Variants in ADGRF4 observed in about 807,000 individuals in gnomAD.
ADGRF4 encodes G-protein coupled receptor PGR18.
Under a neutral mutation model 58.5 loss-of-function variants are expected in ADGRF4, and 63 were observed. That is an observed-to-expected ratio of 1.08 (90% CI 0.88 to 1.33). The LOEUF (loss-of-function observed/expected upper bound fraction) is 1.33, where lower values mean the gene tolerates loss of function less well. Ranked by LOEUF, ADGRF4 falls within the 40% of genes most tolerant of loss-of-function variation. The pLI is 0.00. For synonymous variants in ADGRF4, 313 were observed against 295.4 expected (o/e 1.06, Z -0.61); for missense variants, 931 against 843.9 (o/e 1.10, Z -1.28).
At chr6:47,705,082 C>T (rs1230147523) in intron 1 of ADGRF4, among the ~76,000 whole-genome samples, 1 of 152,116 alleles carries the variant, frequency 6.6e-6, no homozygotes, top group Non-Finnish European at 1.5e-5. Flanking sequence ...ACGCCTGCCA[C>T]CACACTTGGC....
intron 3 of ADGRF4, among the ~76,000 whole-genome samples, chr6:47,708,670 G>A (rs1771784749): frequency 6.6e-6 from 1 of 152,204 alleles, no homozygotes; most frequent in Non-Finnish European, 1.5e-5. Flanking sequence ...CTCTATTAAA[G>A]CACTGTAAGA....
Position 47,707,273 on chromosome 6 carries a change from A to G in ADGRF4, c.28A>G (p.Ile10Val). The change falls in exon 2 of 10, where the codon ATT becomes GTT. Residue 10 changes from isoleucine (I) to valine (V), a missense_variant. Ile to Val is a conservative substitution (Grantham distance 29, BLOSUM62 3). Coordinates refer to ENST00000283303, the MANE Select transcript of ADGRF4 (RefSeq NM_153838.5). ...GAAAATGAAGTCCCAGGCAACCATGATTTGCTGCTTAGTGTTCTTTCTGTC... is the reference window on the plus strand; with the variant it reads ...GAAAATGAAGTCCCAGGCAACCATGGTTTGCTGCTTAGTGTTCTTTCTGTC... MKMKSQATM[I>V]CCLVFFLSTE... 1 of 1,613,242 alleles carries G rather than the reference A, an allele frequency of 6.2e-7. No individual in the cohort carries two copies. The highest frequency in any genetic ancestry group is 8.5e-7 in the Non-Finnish European group (1 of 1,179,230).
intron 4 of ADGRF4, among the ~76,000 whole-genome samples, 198 bp downstream of exon 4, chr6:47,711,084 T>C (rs1771853655): frequency 6.7e-6 from 1 of 148,728 alleles, no homozygotes; most frequent in Non-Finnish European, 1.5e-5. Context: ...CTATATGCTC[T>C]CTATTTCTCC....
rs542101196 is a variant in ADGRF4 at position 47,700,536 on chromosome 6, G to A, written c.-17+1742G>A. On this transcript the variant is annotated intron_variant, in intron 1 of 9. Coordinates refer to ENST00000283303, the MANE Select transcript of ADGRF4 (RefSeq NM_153838.5). Reference sequence around the variant, plus strand: ...TGTCTGGAGAAATAGGGTTTTATTAGTTCTGACTTATGGAGACAGTGTGGA... The same window carrying A: ...TGTCTGGAGAAATAGGGTTTTATTAATTCTGACTTATGGAGACAGTGTGGA... Among the ~76,000 whole-genome samples, 3 of 152,336 alleles carry A rather than the reference G, an allele frequency of 2.0e-5. No homozygotes were observed. The South Asian group carries it at 6.2e-4, about 32-fold the overall frequency.
intron 8 of ADGRF4, 83 bp from the exon 9 acceptor site, chr6:47,718,306 T>C (rs917467874): frequency 5.0e-5 from 40 of 802,648 alleles, no homozygotes; most frequent in African/African-American, 8.4e-5. Flanking sequence ...GTATTCATTT[T>C]CACATATTTA....
rs1164783089 is a variant in ADGRF4, at chr6:47,721,832, C to A, written c.*627C>A. ...TTAGACCTTGAGTAAACTAATTTAG[C>A]TTCTAGGATCCAAGTTTCCTTATTT... is the stretch of plus-strand genomic sequence containing the variant. On this transcript the variant is annotated 3_prime_UTR_variant, in exon 10 of 10. Coordinates refer to ENST00000283303, the MANE Select transcript of ADGRF4 (RefSeq NM_153838.5). 5 of 151,850 alleles carry A rather than the reference C, an allele frequency of 3.3e-5. No individual in the cohort carries two copies. The highest frequency in any genetic ancestry group is 7.4e-5 in the Non-Finnish European group (5 of 67,976). The allele number at this position is 151,850 out of a possible 1,614,324, so 9.4% of individuals were successfully genotyped here.
chr6:47,719,268 T>G (rs1772103360), intron 9 of ADGRF4, among the ~76,000 whole-genome samples: 1 of 152,090 alleles, frequency 6.6e-6, no homozygotes, highest in Non-Finnish European at 1.5e-5. Context: ...ACAAACCATA[T>G]GCTGTGCTGG....
In ADGRF4 at chr6:47,713,881, G is replaced by A. The variant is rs755287852; in HGVS notation, c.636G>A (p.Ser212=). ...WAFIPNKNAS[S]DLLQSVNLFA... is the part of the protein sequence containing the mutation. Reference sequence around the variant, plus strand: ...TCATTCCCAACAAAAATGCCAGCTCGGATTTGTTGCAGTCAGTGAATTTGT... The same window carrying A: ...TCATTCCCAACAAAAATGCCAGCTCAGATTTGTTGCAGTCAGTGAATTTGT... The change falls in exon 6 of 10, where the codon TCG becomes TCA. Residue 212 remains serine, a synonymous_variant. Transcript: ENST00000283303. 32 of 1,605,430 alleles carry A rather than the reference G, an allele frequency of 2.0e-5. No individual in the cohort carries two copies. Among genetic ancestry groups the A allele is most frequent in the African/African-American group, 5.4e-5 (4 of 74,466 alleles).
In ADGRF4 at chr6:47,714,243, TACTC is replaced by T; in HGVS notation, c.1001_1004del (p.Leu334ProfsTer32). 2 of 1,614,156 alleles carry T rather than the reference TACTC, an allele frequency of 1.2e-6. No individual in the cohort carries two copies. Among genetic ancestry groups the T allele is most frequent in the Non-Finnish European group, 1.7e-6 (2 of 1,180,026 alleles). The stretch of plus-strand genomic sequence containing the variant: ...TTACCAGAAAGGTTGCAAGAAATCA[TACTC>T]ACCTTCGAAAAGATCAATAAAACCC... On this transcript the variant is annotated frameshift_variant, in exon 6 of 10. Coordinates refer to ENST00000283303, the MANE Select transcript of ADGRF4 (RefSeq NM_153838.5). LOFTEE classifies it high-confidence loss of function.
chr6:47,699,703 G>A (rs750126684), intron 1 of ADGRF4, among the ~76,000 whole-genome samples: 1 of 152,166 alleles, frequency 6.6e-6, no homozygotes. Context: ...AAGGCTCTAT[G>A]TGAAGCATTT....
intron 1 of ADGRF4, among the ~76,000 whole-genome samples, chr6:47,701,554 T>C (rs557693195): frequency 3.9e-4 from 60 of 152,346 alleles, no homozygotes; most frequent in Non-Finnish European, 6.2e-4. Flanking sequence ...TTGCCACAGA[T>C]AGCCTCAGGC....
intron 1 of ADGRF4, among the ~76,000 whole-genome samples, chr6:47,702,425 G>A (rs1771611434): frequency 6.6e-6 from 1 of 152,198 alleles, no homozygotes. Flanking sequence ...CCTACTAAAA[G>A]TAGAGCAGTC....
intron 1 of ADGRF4, among the ~76,000 whole-genome samples, chr6:47,706,470 T>G (rs1771712597): frequency 6.6e-6 from 1 of 152,208 alleles, no homozygotes; most frequent in Admixed American, 6.5e-5. Flanking sequence ...TCCATATGCC[T>G]AGACAGACAG....
At chr6:47,703,827 T>C (rs1380165034) in intron 1 of ADGRF4, among the ~76,000 whole-genome samples, 1 of 152,160 alleles carries the variant, frequency 6.6e-6, no homozygotes, top group African/African-American at 2.4e-5. Context: ...TTGCAGAAAA[T>C]GTCATAGCTG....
Position 47,712,456 on chromosome 6 carries a change from G to A in ADGRF4, c.400G>A (p.Gly134Arg), listed in dbSNP as rs145785131. ...AGAGACCATTGAGAGTGTAGCTCAA[G>A]GAATCCGTAAGAACTGCCCCTTTGA... Reference protein sequence around the residue: ...APETIESVAQGIRKNCPFDYA... With the variant: ...APETIESVAQRIRKNCPFDYA... Residue 134 changes from glycine to arginine, a missense_variant, in exon 5 of 10, where the codon GGA becomes AGA. By Grantham distance (125) the Gly-to-Arg change is moderately radical. Transcript: ENST00000283303. The A allele has an allele frequency of 1.2e-6, 2 of 1,614,036 alleles. No individual in the cohort carries two copies. Among genetic ancestry groups the A allele is most frequent in the Non-Finnish European group, 1.7e-6 (2 of 1,179,936 alleles).
intron 1 of ADGRF4, among the ~76,000 whole-genome samples, chr6:47,705,073 C>T (rs931581773): frequency 1.1e-4 from 16 of 152,202 alleles, no homozygotes; most frequent in African/African-American, 2.6e-4. Context: ...GGACTACAGA[C>T]GCCTGCCACC....
At chr6:47,706,479 A>C (rs1043850784) in intron 1 of ADGRF4, among the ~76,000 whole-genome samples, 2 of 152,232 alleles carry the variant, frequency 1.3e-5, no homozygotes, top group African/African-American at 4.8e-5. Flanking sequence ...CTAGACAGAC[A>C]GTACACTATA....
chr6:47,710,400 T>C (rs1771832032), intron 3 of ADGRF4, among the ~76,000 whole-genome samples: 1 of 152,242 alleles, frequency 6.6e-6, no homozygotes, highest in African/African-American at 2.4e-5. Flanking sequence ...TGTCTTCTGG[T>C]AACTCCCACA....
intron 9 of ADGRF4, among the ~76,000 whole-genome samples, chr6:47,720,438 C>T (rs985210946): frequency 6.6e-6 from 1 of 152,144 alleles, no homozygotes; most frequent in African/African-American, 2.4e-5. Context: ...AGAATTGAGG[C>T]TTCCAGTGTT....
Sources: gnomAD v4.1 joint callset for allele counts (sites outside exome capture counted in the v4.1 genomes callset) on GRCh38, gnomAD v4.1.1 for gene constraint, MANE v1.5 for transcripts, NCBI Gene and HGNC (gene_info 2026-07-23, HGNC 2026-07-21) for gene names.